The following RIMBP2 variants were observed in gnomAD, a reference collection of about 807,000 sequenced individuals.
RIMBP2 encodes RIMS-binding protein 2.
In RIMBP2, 48 loss-of-function variants were observed where a neutral mutation model predicts 118.6. The ratio of observed to expected loss-of-function variants is 0.40; its 90% confidence interval spans 0.32 to 0.51. The LOEUF (loss-of-function observed/expected upper bound fraction) is 0.51, where lower values mean the gene tolerates loss of function less well. Ranked by LOEUF, RIMBP2 falls within the 20% of genes least tolerant of loss-of-function variation. RIMBP2 has a pLI of 0.41. For missense variants in RIMBP2, 1,551 were observed against 1,768.3 expected (o/e 0.88, Z 2.20); for synonymous variants, 762 against 742.9 (o/e 1.03, Z -0.42).
intron 1 of RIMBP2, among the ~76,000 whole-genome samples, chr12:130,714,548 G>T (rs1950193151): frequency 6.6e-6 from 1 of 152,180 alleles, no homozygotes; most frequent in Non-Finnish European, 1.5e-5. Context: ...CCCTCTCCCT[G>T]ACCCAGTTTG....
At chr12:130,527,638 C>T (rs958568209) in intron 2 of RIMBP2, among the ~76,000 whole-genome samples, 25 of 152,102 alleles carry the variant, frequency 1.6e-4, no homozygotes, top group Middle Eastern at 6.8e-3. Flanking sequence ...AAGAAACTAT[C>T]ATCAGAGCAA....
At position 130,622,783 on chromosome 12, in the gene RIMBP2, G is replaced by A. The variant is rs2061397952; in HGVS notation, c.-217+5539C>T. 2.6e-5 allele frequency among the ~76,000 whole-genome samples: 4 copies of A among 152,174 alleles called. No individual in the cohort carries two copies. Among genetic ancestry groups the A allele is most frequent in the Admixed American group, 2.6e-4 (4 of 15,282 alleles). ...GCAGATTTAGGCAATGCCTCCACTA[G>A]GCTGATAGTCGCAAAATTCTCCACA... is the stretch of plus-strand genomic sequence containing the variant. On this transcript the variant is annotated intron_variant, in intron 2 of 22. Transcript: ENST00000690449. This position sits in a 1 kb window ranked among gnomAD's most constrained non-coding sequence, Gnocchi z 8.5.
intron 1 of RIMBP2, among the ~76,000 whole-genome samples, chr12:130,644,902 C>A (rs987982517): frequency 1.3e-5 from 2 of 152,232 alleles, no homozygotes; most frequent in African/African-American, 4.8e-5. Flanking sequence ...ACACAGGCCC[C>A]TTAAGCAGCA....
chr12:130,518,541 A>G (rs2139072412), intron 2 of RIMBP2, among the ~76,000 whole-genome samples: 1 of 152,344 alleles, frequency 6.6e-6, no homozygotes, highest in Non-Finnish European at 1.5e-5. Flanking sequence ...AAGAAAGCTG[A>G]AAATAATCCA....
rs974853866 is a variant in RIMBP2, at chr12:130,670,986, C to A, written c.-351-42530G>T. On this transcript the variant is annotated intron_variant, in intron 1 of 22. Transcript: ENST00000690449. The surrounding 1 kb of genome is among the most constrained non-coding windows in gnomAD (Gnocchi z 4.9). ...TGTTGGCCAGGCTGGTCTCAAACTC[C>A]TGACTTCAGGTGATCTGCCTGCCTT... Among the ~76,000 whole-genome samples the A allele has an allele frequency of 1.3e-5, 2 of 152,158 alleles. No individual in the cohort carries two copies. The highest frequency in any genetic ancestry group is 2.9e-5 in the Non-Finnish European group (2 of 68,028).
At chr12:130,506,228 G>A (rs935732940) in intron 4 of RIMBP2, among the ~76,000 whole-genome samples, 2 of 152,058 alleles carry the variant, frequency 1.3e-5, no homozygotes, top group Non-Finnish European at 2.9e-5. Context: ...CCCCCTGATA[G>A]AGCAAGGTTC....
chr12:130,629,073 A>G (rs1220756159), intron 1 of RIMBP2, among the ~76,000 whole-genome samples: 2 of 152,244 alleles, frequency 1.3e-5, no homozygotes, highest in Non-Finnish European at 2.9e-5. Flanking sequence ...CACAATCAAA[A>G]TATCAGAAAT....
chr12:130,469,970 C>A lies in RIMBP2; in HGVS notation c.153+723G>T, dbSNP rs549229429. Among the ~76,000 whole-genome samples the A allele has an allele frequency of 7.9e-5, 12 of 152,314 alleles. No individual in the cohort carries two copies. The highest frequency in any genetic ancestry group is 2.9e-4 in the African/African-American group (12 of 41,572). On this transcript the variant is annotated intron_variant, in intron 6 of 22. Transcript: ENST00000690449. This position sits in a 1 kb window ranked among gnomAD's most constrained non-coding sequence, Gnocchi z 4.8. ...GACAGCAGAGGCCTGAGGGGGACCC[C>A]ATAGCCCTCCCTGTCTGCCTGGCTA...
chr12:130,687,792 A>C lies in RIMBP2; in HGVS notation c.-352+28430T>G, dbSNP rs540276773. Among the ~76,000 whole-genome samples, 9 of 152,314 alleles carry C rather than the reference A, an allele frequency of 5.9e-5. No homozygotes were observed. In the South Asian group the frequency reaches 1.9e-3, roughly 32 times the overall value. On this transcript the variant is annotated intron_variant, in intron 1 of 22. Coordinates refer to ENST00000690449, the MANE Select transcript of RIMBP2 (RefSeq NM_001393629.1). ...TATGGGCTTTTACTAAGAAAGTATAATAATGGCTTATTTTTAATTCATTGA... is the reference window on the plus strand; with the variant it reads ...TATGGGCTTTTACTAAGAAAGTATACTAATGGCTTATTTTTAATTCATTGA...
intron 6 of RIMBP2, among the ~76,000 whole-genome samples, chr12:130,463,623 G>A (rs186946907): frequency 1.3e-3 from 195 of 152,214 alleles, no homozygotes; most frequent in Admixed American, 4.3e-3. Flanking sequence ...GGGGCCAGAT[G>A]CATAATCACT....
chr12:130,507,414 G>T (rs66667641), intron 3 of RIMBP2, among the ~76,000 whole-genome samples: 32,611 of 152,172 alleles, frequency 0.21, 3,653 homozygotes, highest in Middle Eastern at 0.37. Flanking sequence ...TGAATCGTCT[G>T]TCCCCTGTAA....
At chr12:130,714,945 C>G (rs911797109) in intron 1 of RIMBP2, among the ~76,000 whole-genome samples, 13 of 152,224 alleles carry the variant, frequency 8.5e-5, no homozygotes, top group African/African-American at 2.4e-4. Flanking sequence ...GAGCCTTCCC[C>G]CACTGTTCCC....
chr12:130,630,239 T>C (rs776491588), intron 1 of RIMBP2, among the ~76,000 whole-genome samples: 22 of 151,686 alleles, frequency 1.5e-4, no homozygotes, highest in Non-Finnish European at 3.1e-4. Context: ...GAGAAAATAA[T>C]AACAACAATC....
Position 130,474,763 on chromosome 12 carries a change from G to A in RIMBP2, c.103-4020C>T, listed in dbSNP as rs751434416. Among the ~76,000 whole-genome samples, 184 of 152,316 alleles carry A rather than the reference G, an allele frequency of 1.2e-3. 1 individual carries two copies. The highest frequency in any genetic ancestry group is 3.8e-4 in the Non-Finnish European group (26 of 68,038). ...GGGAGCGGGAGGAGTGGCAGAGGTGGCACAGCTCAAAGGAGGCCACGACTG... is the reference window on the plus strand; with the variant it reads ...GGGAGCGGGAGGAGTGGCAGAGGTGACACAGCTCAAAGGAGGCCACGACTG... On this transcript the variant is annotated intron_variant, in intron 5 of 22. Coordinates refer to ENST00000690449, the MANE Select transcript of RIMBP2 (RefSeq NM_001393629.1).
At chr12:130,459,044 CAAAAA>C (rs760377513) in intron 6 of RIMBP2, among the ~76,000 whole-genome samples, 1 of 24,134 alleles carries the variant, frequency 4.1e-5, no homozygotes, top group Admixed American at 4.5e-4. Flanking sequence ...CACTCTGTCT[CAAAAA>C]AAAAAAAAAA....
At position 130,572,269 on chromosome 12, in the gene RIMBP2, T is replaced by G. The variant is rs990269640; in HGVS notation, c.-216-54352A>C. On this transcript the variant is annotated intron_variant, in intron 2 of 22. Transcript: ENST00000690449. ...ACGCACCACGGAGGTCCCAGCTACT[T>G]GGACACATCAGCAAAAGATGCCTTT... is the stretch of plus-strand genomic sequence containing the variant. Among the ~76,000 whole-genome samples, 3 of 113,754 alleles carry G rather than the reference T, an allele frequency of 2.6e-5. No homozygotes were observed. In the South Asian group the frequency reaches 8.9e-4, roughly 34 times the overall value. The allele number at this position is 113,754 out of a possible 152,430, so 74.6% of individuals were successfully genotyped here.
chr12:130,572,836 G>A (rs933361087), intron 2 of RIMBP2, among the ~76,000 whole-genome samples: 2 of 152,104 alleles, frequency 1.3e-5, no homozygotes, highest in Non-Finnish European at 2.9e-5. Flanking sequence ...GGGCCAGAGG[G>A]ATGCACCCAC....
intron 2 of RIMBP2, among the ~76,000 whole-genome samples, chr12:130,587,691 A>C (rs1180480384): frequency 3.4e-5 from 2 of 58,144 alleles, no homozygotes; most frequent in Admixed American, 2.0e-4. Flanking sequence ...GGGTGGGGGG[A>C]GGGGGGAGGG....
At chr12:130,519,127 G>T (rs34636005) in intron 2 of RIMBP2, among the ~76,000 whole-genome samples, 4 of 152,178 alleles carry the variant, frequency 2.6e-5, no homozygotes, top group Admixed American at 2.6e-4. Flanking sequence ...TAATACTGGT[G>T]GGACACCCAC....
Sources: allele counts gnomAD v4.1 joint callset (sites outside exome capture counted in the v4.1 genomes callset), GRCh38; gene constraint gnomAD v4.1.1; non-coding constraint Gnocchi (gnomAD v3.1); transcripts MANE v1.5; gene names NCBI Gene and HGNC (gene_info 2026-07-23, HGNC 2026-07-21).